ZSCAN22: variants seen among roughly 807,000 people sequenced by gnomAD.
ZSCAN22 encodes zinc finger and SCAN domain containing 22.
ZSCAN22 carries 7 observed loss-of-function variants against 12.4 expected under a neutral mutation model. The observed-to-expected ratio is 0.57, with a 90% CI of 0.32 to 1.06. The LOEUF is 1.06. Ranked by LOEUF, ZSCAN22 falls within the 50% of genes least tolerant of loss-of-function variation. The pLI is 0.04. For missense variants in ZSCAN22, 576 were observed against 631.7 expected (o/e 0.91, Z 0.94); for synonymous variants, 243 against 255.9 (o/e 0.95, Z 0.48).
At chr19:58,334,140 G>A (rs1265233685) in intron 1 of ZSCAN22, among the ~76,000 whole-genome samples, 2 of 152,192 alleles carry the variant, frequency 1.3e-5, no homozygotes, top group Non-Finnish European at 2.9e-5. Flanking sequence ...GCTCTGTTGG[G>A]GAGGAGCACG....
chr19:58,337,813 C>T (rs965796790), intron 2 of ZSCAN22, among the ~76,000 whole-genome samples: 1 of 147,036 alleles, frequency 6.8e-6, no homozygotes, highest in Non-Finnish European at 1.5e-5. Context: ...TCAGAGCCTG[C>T]AGGGGACACA....
intron 1 of ZSCAN22, among the ~76,000 whole-genome samples, chr19:58,331,310 G>A (rs191179563): frequency 6.7e-6 from 1 of 148,562 alleles, no homozygotes; most frequent in African/African-American, 2.5e-5. Flanking sequence ...TCCACCTCCC[G>A]GGTTCAAGCA....
Position 58,335,214 on chromosome 19 carries a change from G to T in ZSCAN22, c.403+9G>T. 1 of 1,563,698 alleles carries T rather than the reference G, an allele frequency of 6.4e-7. No homozygotes were observed. On this transcript the variant is annotated intron_variant, in intron 2 of 2. Coordinates refer to ENST00000329665, the MANE Select transcript of ZSCAN22 (RefSeq NM_181846.3). The surrounding 1 kb of genome is among the most constrained non-coding windows in gnomAD (Gnocchi z 4.1). Reference sequence around the variant, plus strand: ...GGTGCTGGACAAGAGAGGTAAAGGGGCGCCGTGGGCAGCTTCACGGCACAC... The same window carrying T: ...GGTGCTGGACAAGAGAGGTAAAGGGTCGCCGTGGGCAGCTTCACGGCACAC...
chr19:58,329,468 G>A lies in ZSCAN22; in HGVS notation c.-52+2354G>A, dbSNP rs1343230818. On this transcript the variant is annotated intron_variant, in intron 1 of 2. Coordinates refer to ENST00000329665, the MANE Select transcript of ZSCAN22 (RefSeq NM_181846.3). This position sits in a 1 kb window ranked among gnomAD's most constrained non-coding sequence, Gnocchi z 4.1. ...AGTCTTTGAGTAAGGAGTAGTATGT[G>A]GCCAAAGCAAAGTGTCGAGGTCTCC... Among the ~76,000 whole-genome samples, 1 of 152,178 alleles carries A rather than the reference G, an allele frequency of 6.6e-6. No individual in the cohort carries two copies. Among genetic ancestry groups the A allele is most frequent in the Non-Finnish European group, 1.5e-5 (1 of 68,034 alleles).
Position 58,340,826 on chromosome 19 carries a change from C to T in ZSCAN22, c.*1500C>T, listed in dbSNP as rs2051866283. The T allele has an allele frequency of 6.6e-6, 1 of 152,016 alleles. No homozygotes were observed. Among genetic ancestry groups the T allele is most frequent in the African/African-American group, 2.4e-5 (1 of 41,392 alleles). The allele number at this position is 152,016 out of a possible 1,614,324, so 9.4% of individuals were successfully genotyped here. On this transcript the variant is annotated 3_prime_UTR_variant, in exon 3 of 3. Transcript: ENST00000329665. ...GTGTTTCAAATGTTGCCCAAAGAAA[C>T]CTCCCTGCTCTCCGGGAGCAGACTT...
chr19:58,342,176 C>T lies in ZSCAN22; in HGVS notation c.*2850C>T, dbSNP rs1042733725. On this transcript the variant is annotated 3_prime_UTR_variant, in exon 3 of 3. Transcript: ENST00000329665. Reference sequence around the variant, plus strand: ...AGTCTACCAAATAATTTATATACATCTCAGTCCTCACACAACCATCCCTGT... The same window carrying T: ...AGTCTACCAAATAATTTATATACATTTCAGTCCTCACACAACCATCCCTGT... 1 of 152,212 alleles carries T rather than the reference C, an allele frequency of 6.6e-6. No individual in the cohort carries two copies. Among genetic ancestry groups the T allele is most frequent in the Non-Finnish European group, 1.5e-5 (1 of 68,056 alleles). 9.4% of individuals were successfully genotyped at this position (152,212 alleles called of 1,614,324 possible).
At position 58,334,865 on chromosome 19, in the gene ZSCAN22, G is replaced by A. The variant is rs776555566; in HGVS notation, c.63G>A (p.Val21=). ...GGGAAGAGGACAGCTTCCTTCAAGT[G>A]AAGGTGGAGGAGGAAGAGGAAGCCA... The part of the protein sequence containing the change: ...VPWEEDSFLQ[V]KVEEEEEASL... The change falls in exon 2 of 3, where the codon GTG becomes GTA. Residue 21 remains valine, a synonymous_variant. Coordinates refer to ENST00000329665, the MANE Select transcript of ZSCAN22 (RefSeq NM_181846.3). The A allele has an allele frequency of 1.2e-6, 2 of 1,613,844 alleles. No homozygotes were observed. The highest frequency in any genetic ancestry group is 1.7e-6 in the Non-Finnish European group (2 of 1,180,030).
chr19:58,339,382 A>C lies in ZSCAN22; in HGVS notation c.*56A>C. ...CGTCTTCTCGGAGGCTCGAGGTCTA[A>C]GAGAAACGCTGAGTTCCTGAAGAGC... On this transcript the variant is annotated 3_prime_UTR_variant, in exon 3 of 3. Coordinates refer to ENST00000329665, the MANE Select transcript of ZSCAN22 (RefSeq NM_181846.3). This position sits in a 1 kb window ranked among gnomAD's most constrained non-coding sequence, Gnocchi z 5.6. 9 of 1,473,208 alleles carry C rather than the reference A, an allele frequency of 6.1e-6. No individual in the cohort carries two copies. The highest frequency in any genetic ancestry group is 8.2e-6 in the Non-Finnish European group (9 of 1,097,032). 91.3% of individuals were successfully genotyped at this position (1,473,208 alleles called of 1,614,324 possible).
intron 1 of ZSCAN22, among the ~76,000 whole-genome samples, chr19:58,330,497 GT>G (rs551855723): frequency 6.6e-6 from 1 of 152,194 alleles, no homozygotes; most frequent in Non-Finnish European, 1.5e-5. Context: ...CATGAAAGTA[GT>G]TTTTTGCTGT....
At position 58,339,290 on chromosome 19, in the gene ZSCAN22, G is replaced by A; in HGVS notation, c.1440G>A (p.Met480Ile). 3 of 1,612,576 alleles carry A rather than the reference G, an allele frequency of 1.9e-6. No homozygotes were observed. The highest frequency in any genetic ancestry group is 1.7e-4 in the Middle Eastern group (1 of 6,052). Reference sequence around the variant, plus strand: ...CCTTCAGTCGTAGCTCAGCCCTGATGGTTCACTTGCGGATCCACATCACGG... The same window carrying A: ...CCTTCAGTCGTAGCTCAGCCCTGATAGTTCACTTGCGGATCCACATCACGG... ...GKAFSRSSAL[M>I]VHLRIHITVL... The change falls in exon 3 of 3, where the codon ATG (methionine) becomes ATA (isoleucine). Residue 480 changes from methionine to isoleucine, a missense_variant. Transcript: ENST00000329665. The surrounding 1 kb of genome is among the most constrained non-coding windows in gnomAD (Gnocchi z 5.6).
Position 58,334,930 on chromosome 19 carries a change from C to G in ZSCAN22, c.128C>G (p.Ala43Gly). 6.2e-7 allele frequency: 1 copy of G among 1,614,198 alleles called. No homozygotes were observed. Among genetic ancestry groups the G allele is most frequent in the Non-Finnish European group, 8.5e-7 (1 of 1,180,048 alleles). ...GGAGAATCCAGCCATGACCACATTG[C>G]TCACTCTGAGGCTGCACGCCTGCGC... ...QGGESSHDHI[A>G]HSEAARLRFR... Residue 43 changes from alanine (A) to glycine (G), a missense_variant, in exon 2 of 3, where the codon GCT becomes GGT. Coordinates refer to ENST00000329665, the MANE Select transcript of ZSCAN22 (RefSeq NM_181846.3).
At position 58,329,159 on chromosome 19, in the gene ZSCAN22, C is replaced by G. The variant is rs907493709; in HGVS notation, c.-52+2045C>G. 6.6e-6 allele frequency among the ~76,000 whole-genome samples: 1 copy of G among 152,108 alleles called. No individual in the cohort carries two copies. Among genetic ancestry groups the G allele is most frequent in the Non-Finnish European group, 1.5e-5 (1 of 68,032 alleles). ...CCACAAGAGACCCAGGAGAACTTTA[C>G]AGTGCGGCGAAGGGGCTTAAACGCA... On this transcript the variant is annotated intron_variant, in intron 1 of 2. Coordinates refer to ENST00000329665, the MANE Select transcript of ZSCAN22 (RefSeq NM_181846.3). The surrounding 1 kb of genome is among the most constrained non-coding windows in gnomAD (Gnocchi z 4.1).
rs149204178 is a variant in ZSCAN22 at position 58,341,848 on chromosome 19, A to G, written c.*2522A>G. On this transcript the variant is annotated 3_prime_UTR_variant, in exon 3 of 3. Transcript: ENST00000329665. ...CCTGTGGCTACTTTTGGGACCTAAG[A>G]TAAGTGACTTTCCTGAACCTCCATG... The G allele has an allele frequency of 8.5e-5, 13 of 152,356 alleles. No homozygotes were observed. Among genetic ancestry groups the G allele is most frequent in the African/African-American group, 3.1e-4 (13 of 41,562 alleles). 9.4% of individuals were successfully genotyped at this position (152,356 alleles called of 1,614,324 possible).
Position 58,341,124 on chromosome 19 carries a change from A to G in ZSCAN22, c.*1798A>G, listed in dbSNP as rs1000958073. The stretch of plus-strand genomic sequence containing the variant: ...ATTGTCCTTATGTATGTTTACATGG[A>G]TGTCTCCCCAGCAGCTTGAACCCTG... On this transcript the variant is annotated 3_prime_UTR_variant, in exon 3 of 3. Coordinates refer to ENST00000329665, the MANE Select transcript of ZSCAN22 (RefSeq NM_181846.3). 9 of 152,108 alleles carry G rather than the reference A, an allele frequency of 5.9e-5. No homozygotes were observed. The highest frequency in any genetic ancestry group is 2.2e-4 in the African/African-American group (9 of 41,416). 9.4% of individuals were successfully genotyped at this position (152,108 alleles called of 1,614,324 possible).
rs897914738 is a variant in ZSCAN22, at chr19:58,338,087, C to T, written c.404-167C>T. 4.6e-5 allele frequency among the ~76,000 whole-genome samples: 7 copies of T among 152,214 alleles called. No homozygotes were observed. The highest frequency in any genetic ancestry group is 1.0e-4 in the Non-Finnish European group (7 of 68,038). On this transcript the variant is annotated intron_variant, in intron 2 of 2. Coordinates refer to ENST00000329665, the MANE Select transcript of ZSCAN22 (RefSeq NM_181846.3). The surrounding 1 kb of genome is among the most constrained non-coding windows in gnomAD (Gnocchi z 5.4). ...TGGATGGTGTGGGAGGACAGCCCTG[C>T]ACCCTTTGTCATCCAAGACACCAAA... is the stretch of plus-strand genomic sequence containing the variant.
At chr19:58,331,952 C>T (rs999568328) in intron 1 of ZSCAN22, among the ~76,000 whole-genome samples, 5 of 152,224 alleles carry the variant, frequency 3.3e-5, no homozygotes, top group South Asian at 2.1e-4. Flanking sequence ...CGGCTTACTG[C>T]AGCCTCCACC....
At chr19:58,334,086 G>T (rs2051759066) in intron 1 of ZSCAN22, among the ~76,000 whole-genome samples, 1 of 152,212 alleles carries the variant, frequency 6.6e-6, no homozygotes, top group African/African-American at 2.4e-5. Flanking sequence ...TAAAGTGAGA[G>T]AATGACCATG....
At chr19:58,331,138 G>C (rs2051718076) in intron 1 of ZSCAN22, among the ~76,000 whole-genome samples, 1 of 151,746 alleles carries the variant, frequency 6.6e-6, no homozygotes, top group African/African-American at 2.4e-5. Flanking sequence ...GAAGCACAGA[G>C]ACTTACTGAT....
Position 58,335,410 on chromosome 19 carries a change from G to A in ZSCAN22, c.403+205G>A, listed in dbSNP as rs1410671382. 6.6e-6 allele frequency among the ~76,000 whole-genome samples: 1 copy of A among 152,208 alleles called. No individual in the cohort carries two copies. The highest frequency in any genetic ancestry group is 1.5e-5 in the Non-Finnish European group (1 of 68,036). ...GCTGAAATGGGCTGAAGCAAAGAAG[G>A]GTAAGGAGGCAGCAGATACGGCTAT... is the stretch of plus-strand genomic sequence containing the variant. On this transcript the variant is annotated intron_variant, in intron 2 of 2. Transcript: ENST00000329665. This position sits in a 1 kb window ranked among gnomAD's most constrained non-coding sequence, Gnocchi z 4.1.
Sources: allele counts gnomAD v4.1 joint callset (sites outside exome capture counted in the v4.1 genomes callset), GRCh38; gene constraint gnomAD v4.1.1; non-coding constraint Gnocchi (gnomAD v3.1); transcripts MANE v1.5; gene names NCBI Gene and HGNC (gene_info 2026-07-23, HGNC 2026-07-21).